The following SV2C variants were observed in gnomAD, a reference collection of about 807,000 sequenced individuals.
The protein encoded by SV2C is synaptic vesicle glycoprotein 2C, also known as solute carrier family 22 member B3.
Under a neutral mutation model 79.7 loss-of-function variants are expected in SV2C, and 49 were observed. That is an observed-to-expected ratio of 0.61 (90% confidence interval 0.49 to 0.78). The LOEUF is 0.78. Among genes scored for constraint, SV2C ranks in the 30% least tolerant of loss-of-function variants. The pLI is 0.00. For missense variants in SV2C, 833 were observed against 912.9 expected, an observed-to-expected ratio of 0.91 and a Z score of 1.13; for synonymous variants, 334 against 333.2, an observed-to-expected ratio of 1.00 and a Z score of -0.03.
the SV2C span, among the ~76,000 whole-genome samples, chr5:76,016,470 AATGTGAGAGAGCAAAAAC>A: frequency 5.5e-4 from 84 of 152,162 alleles, 1 homozygote; most frequent in East Asian, 0.015. Flanking sequence ...CAAGGGGGAG[AATGTGAGAGAGCAAAAAC>A]ATGTTTCCAC....
At chr5:75,989,130 C>A in the SV2C span, among the ~76,000 whole-genome samples, 1 of 151,704 alleles carries the variant, frequency 6.6e-6, no homozygotes, top group African/African-American at 2.4e-5. Context: ...TCCAATAAAC[C>A]ACCTTTTTTT....
chr5:75,938,977 G>T, the SV2C span, among the ~76,000 whole-genome samples: 18 of 152,038 alleles, frequency 1.2e-4, no homozygotes, highest in African/African-American at 4.3e-4. Flanking sequence ...CATAACCCTG[G>T]GGAGAGGCAG....
intron 2 of SV2C, among the ~76,000 whole-genome samples, chr5:76,154,398 C>T (rs866056787): frequency 6.6e-6 from 1 of 152,128 alleles, no homozygotes; most frequent in Non-Finnish European, 1.5e-5. Flanking sequence ...CACTGAGAGC[C>T]ACAGATTTAA....
chr5:76,200,457 G>T (rs148312181), intron 3 of SV2C, among the ~76,000 whole-genome samples: 8 of 152,244 alleles, frequency 5.3e-5, no homozygotes, highest in Non-Finnish European at 1.0e-4. Context: ...TTTTAAACTT[G>T]CAACTCTGTA....
At chr5:76,334,856 G>T (rs569359957), downstream of SV2C, among the ~76,000 whole-genome samples, 1 of 152,130 alleles carries the variant, frequency 6.6e-6, no homozygotes, top group Admixed American at 6.6e-5. Flanking sequence ...GCTGTAAGGG[G>T]CCCAGTCTCT....
At chr5:75,984,001 C>T in the SV2C span, among the ~76,000 whole-genome samples, 1 of 152,062 alleles carries the variant, frequency 6.6e-6, no homozygotes, top group African/African-American at 2.4e-5. Context: ...TCAGCCATCT[C>T]GGCCAGCCCA....
the SV2C span, among the ~76,000 whole-genome samples, chr5:75,934,246 A>G: frequency 6.6e-6 from 1 of 150,790 alleles, no homozygotes; most frequent in Non-Finnish European, 1.5e-5. Flanking sequence ...CTGAGACCAA[A>G]TGACATTGCT....
the SV2C span, among the ~76,000 whole-genome samples, chr5:75,900,290 T>C: frequency 1.4e-3 from 217 of 152,282 alleles, no homozygotes; most frequent in Middle Eastern, 6.8e-3. Context: ...ATTTGCTTGT[T>C]TGTAAAGGAT....
rs555559234 is a variant in SV2C, at chr5:76,141,461, TAA to T, written c.580+9133_580+9134del. 1.8e-4 allele frequency among the ~76,000 whole-genome samples: 27 copies of T among 152,276 alleles called. No homozygotes were observed. The South Asian group carries it at 5.6e-3, about 32-fold the overall frequency. On this transcript the variant is annotated intron_variant, in intron 2 of 12. Transcript: ENST00000502798. ...CATTGATCCAGTCTGAGACTCTACCTAAAGTCACTGGAGAACTTGCCGATGTA... is the reference window on the plus strand; with the variant it reads ...CATTGATCCAGTCTGAGACTCTACCTAGTCACTGGAGAACTTGCCGATGTA...
rs78674436 is a variant in SV2C at position 76,226,784 on chromosome 5, C to T, written c.913+16897C>T. On this transcript the variant is annotated intron_variant, in intron 4 of 12. Transcript: ENST00000502798. The stretch of plus-strand genomic sequence containing the variant: ...CTGCACTGGCCAGGAGAGGAAGACA[C>T]GGGTGATGGGCCTGTGCTGATGGAG... Among the ~76,000 whole-genome samples the T allele has an allele frequency of 4.6e-3, 706 of 152,154 alleles. 5 individuals carry two copies. The highest frequency in any genetic ancestry group is 0.016 in the African/African-American group (662 of 41,536).
chr5:76,269,325 C>T (rs768520010), intron 4 of SV2C, among the ~76,000 whole-genome samples: 6 of 152,120 alleles, frequency 3.9e-5, no homozygotes, highest in Non-Finnish European at 7.4e-5. Context: ...CGTTTGAATT[C>T]CAAATAATGG....
intron 4 of SV2C, chr5:76,242,398 T>G (rs1158184982): frequency 5.6e-6 from 4 of 713,656 alleles, no homozygotes; most frequent in Non-Finnish European, 9.6e-6. Context: ...TTCTTCACAC[T>G]GCTCCGGTCT....
intron 2 of SV2C, among the ~76,000 whole-genome samples, chr5:76,190,712 G>C (rs1744073018): frequency 6.6e-6 from 1 of 152,150 alleles, no homozygotes; most frequent in South Asian, 2.1e-4. Flanking sequence ...CCTCAGATTT[G>C]TGGAAGAAAC....
At chr5:76,082,690 G>T (rs1441913452), upstream of SV2C, among the ~76,000 whole-genome samples, 1 of 135,114 alleles carries the variant, frequency 7.4e-6, no homozygotes, top group East Asian at 2.4e-4. Flanking sequence ...TTCAATATCT[G>T]CCTGTGAGCC....
rs1749077308 is a variant in SV2C, at chr5:76,328,556, A to AC, written c.*3010dup. On this transcript the variant is annotated 3_prime_UTR_variant, in exon 13 of 13. Transcript: ENST00000502798. The stretch of plus-strand genomic sequence containing the variant: ...TCACACCAGAGTACAGACCTTGGAG[A>AC]CGCGATAGATGGGTCCTAGCCTGAC... The AC allele has an allele frequency of 6.6e-6, 1 of 152,202 alleles. No individual in the cohort carries two copies. Among genetic ancestry groups the AC allele is most frequent in the Admixed American group, 6.5e-5 (1 of 15,274 alleles). The allele number at this position is 152,202 out of a possible 1,614,324, so 9.4% of individuals were successfully genotyped here.
intron 4 of SV2C, among the ~76,000 whole-genome samples, chr5:76,271,293 G>A (rs1242524392): frequency 6.6e-6 from 1 of 152,100 alleles, no homozygotes; most frequent in Non-Finnish European, 1.5e-5. Flanking sequence ...ATTGGCAAAG[G>A]AATATAGATG....
At chr5:76,210,612 A>T (rs1744740150) in intron 4 of SV2C, among the ~76,000 whole-genome samples, 1 of 152,132 alleles carries the variant, frequency 6.6e-6, no homozygotes, top group African/African-American at 2.4e-5. Flanking sequence ...TAGTTCAGGG[A>T]TTTTTATAGA....
chr5:75,914,137 C>T, the SV2C span, among the ~76,000 whole-genome samples: 34 of 152,162 alleles, frequency 2.2e-4, no homozygotes, highest in African/African-American at 7.2e-4. Context: ...TCTATGATTC[C>T]CAGTTTCATC....
At chr5:76,334,992 AAT>A (rs563034924), downstream of SV2C, among the ~76,000 whole-genome samples, 60 of 152,352 alleles carry the variant, frequency 3.9e-4, no homozygotes, top group Non-Finnish European at 7.5e-4. Flanking sequence ...CATGCTGTCT[AAT>A]ATGATAGCCA....
Sources: gnomAD v4.1 joint callset for allele counts (sites outside exome capture counted in the v4.1 genomes callset) on GRCh38, gnomAD v4.1.1 for gene constraint, MANE v1.5 for transcripts, NCBI Gene and HGNC (gene_info 2026-07-23, HGNC 2026-07-21) for gene names.